Variants in DAB1 observed in about 807,000 individuals in gnomAD.
The protein encoded by DAB1 is DAB adaptor protein 1.
Under a neutral mutation model 64.6 loss-of-function variants are expected in DAB1, and 15 were observed. That is an observed-to-expected ratio of 0.23 (90% CI 0.16 to 0.36). The LOEUF (loss-of-function observed/expected upper bound fraction) is 0.36, where lower values mean the gene tolerates loss of function less well. Among genes scored for constraint, DAB1 ranks in the 10% least tolerant of loss-of-function variants. DAB1 has a pLI of 1.00. For synonymous variants in DAB1, 235 were observed against 251.9 expected (o/e 0.93, Z 0.64); for missense variants, 596 against 706.7 (o/e 0.84, Z 1.78).
At chr1:57,775,026 C>A (rs1649728724) in intron 6 of DAB1, among the ~76,000 whole-genome samples, 1 of 151,640 alleles carries the variant, frequency 6.6e-6, no homozygotes, top group South Asian at 2.1e-4. Context: ...TTTTCCTATG[C>A]ATCTAAGTTC....
chr1:57,394,237 A>G (rs981781644), intron 1 of DAB1, among the ~76,000 whole-genome samples: 1 of 152,230 alleles, frequency 6.6e-6, no homozygotes, highest in Admixed American at 6.5e-5. Context: ...CCCTTCTTCT[A>G]TCAGACCAAC....
chr1:58,545,524 G>C (rs1205358728), intron 1 of DAB1, among the ~76,000 whole-genome samples: 1 of 152,100 alleles, frequency 6.6e-6, no homozygotes, highest in Non-Finnish European at 1.5e-5. Flanking sequence ...AAAAAAATCA[G>C]GGCTGACATA....
chr1:57,501,464 A>T (rs1260713299), intron 7 of DAB1, among the ~76,000 whole-genome samples: 3 of 152,208 alleles, frequency 2.0e-5, no homozygotes. Context: ...AATAATAGAT[A>T]AGTGTTTTAA....
At chr1:57,938,414 T>C (rs974154883) in intron 5 of DAB1, among the ~76,000 whole-genome samples, 4 of 152,160 alleles carry the variant, frequency 2.6e-5, no homozygotes, top group Non-Finnish European at 5.9e-5. Context: ...TAGGGAGACC[T>C]AGTGGGAGCT....
chr1:57,237,504 T>A (rs1668181811), intron 2 of DAB1, among the ~76,000 whole-genome samples: 1 of 152,224 alleles, frequency 6.6e-6, no homozygotes, highest in African/African-American at 2.4e-5. Context: ...GTCACTCCCA[T>A]TTTCTACTGC....
intron 6 of DAB1, among the ~76,000 whole-genome samples, chr1:57,808,855 T>C (rs74360406): frequency 0.013 from 1,965 of 152,274 alleles, 41 homozygotes; most frequent in African/African-American, 0.045. Flanking sequence ...TTTCATGTCA[T>C]TTATCCTTTG....
chr1:57,055,113 G>A (rs1318057577), intron 9 of DAB1, among the ~76,000 whole-genome samples: 1 of 152,184 alleles, frequency 6.6e-6, no homozygotes, highest in African/African-American at 2.4e-5. Context: ...TTATGCTGTT[G>A]GATTTCAGAC....
At chr1:58,433,810 C>T (rs573565066) in intron 3 of DAB1, among the ~76,000 whole-genome samples, 4 of 152,248 alleles carry the variant, frequency 2.6e-5, no homozygotes, top group South Asian at 2.1e-4. Context: ...CACCTCTTAA[C>T]GGTCCAACCT....
rs1303127703 is a variant in DAB1, at chr1:57,018,051, G to A, written c.896-2620C>T. On this transcript the variant is annotated intron_variant, in intron 11 of 14. Transcript: ENST00000371236. ...GTCTGAGACCAATGCGTACGACAAAGCATTATTCCACATCCTGTTTATGAT... is the reference window on the plus strand; with the variant it reads ...GTCTGAGACCAATGCGTACGACAAAACATTATTCCACATCCTGTTTATGAT... Among the ~76,000 whole-genome samples the A allele has an allele frequency of 2.6e-5, 4 of 152,278 alleles. No individual in the cohort carries two copies. In the South Asian group the frequency reaches 6.2e-4, roughly 24 times the overall value.
At chr1:57,390,503 T>C (rs569847219) in intron 1 of DAB1, among the ~76,000 whole-genome samples, 1 of 152,224 alleles carries the variant, frequency 6.6e-6, no homozygotes, top group Non-Finnish European at 1.5e-5. Context: ...CCTTAATTCA[T>C]GGAAACCAAA....
At chr1:58,277,037 C>CTTTTTTT (rs869207396) in intron 4 of DAB1, among the ~76,000 whole-genome samples, 2 of 79,648 alleles carry the variant, frequency 2.5e-5, no homozygotes, top group Non-Finnish European at 4.7e-5. Context: ...CTTTTTTTTT[C>CTTTTTTT]TTTTTTTTTT....
At chr1:57,679,023 G>A (rs776082547) in intron 6 of DAB1, among the ~76,000 whole-genome samples, 4 of 151,676 alleles carry the variant, frequency 2.6e-5, no homozygotes, top group Admixed American at 6.6e-5. Flanking sequence ...CGCCTGCCTC[G>A]GCCTCCCAAA....
upstream of DAB1, among the ~76,000 whole-genome samples, chr1:57,424,332 A>G (rs1412784248): frequency 6.7e-6 from 1 of 150,012 alleles, no homozygotes; most frequent in Non-Finnish European, 1.5e-5. Context: ...GAGGTGGAAG[A>G]ACGAGCGAGC....
At chr1:57,431,041 C>A (rs1349072229) in intron 7 of DAB1, among the ~76,000 whole-genome samples, 1 of 150,624 alleles carries the variant, frequency 6.6e-6, no homozygotes, top group Non-Finnish European at 1.5e-5. Context: ...GGGCATTTAA[C>A]CCAAGGTAGC....
intron 4 of DAB1, among the ~76,000 whole-genome samples, chr1:58,223,756 C>G (rs1659308578): frequency 6.6e-6 from 1 of 152,112 alleles, no homozygotes; most frequent in Non-Finnish European, 1.5e-5. Flanking sequence ...CATGGGAATC[C>G]CCAGTCCTGC....
intron 1 of DAB1, chr1:57,307,510 C>CTGCCAGACCGCACT (rs1674289333): frequency 6.5e-6 from 1 of 152,994 alleles, no homozygotes; most frequent in African/African-American, 2.4e-5. Context: ...TAGACCGCAC[C>CTGCCAGACCGCACT]TCCCAGACCA....
chr1:57,050,289 C>G (rs1352117697), intron 9 of DAB1, among the ~76,000 whole-genome samples: 1 of 152,172 alleles, frequency 6.6e-6, no homozygotes, highest in Non-Finnish European at 1.5e-5. Flanking sequence ...AGCCACCTGC[C>G]ACAAGCCACC....
intron 3 of DAB1, among the ~76,000 whole-genome samples, chr1:58,390,209 A>C (rs1644465033): frequency 6.6e-6 from 1 of 152,080 alleles, no homozygotes; most frequent in Admixed American, 6.6e-5. Flanking sequence ...TGCCAGGCGG[A>C]AGACACACAC....
At chr1:57,640,303 G>A (rs1161575764) in intron 7 of DAB1, among the ~76,000 whole-genome samples, 3 of 152,192 alleles carry the variant, frequency 2.0e-5, no homozygotes, top group Non-Finnish European at 2.9e-5. Context: ...TGTTTCCAGT[G>A]AGGTGGTGCA....
Sources: allele counts gnomAD v4.1 joint callset (sites outside exome capture counted in the v4.1 genomes callset), GRCh38; gene constraint gnomAD v4.1.1; transcripts MANE v1.5; gene names NCBI Gene and HGNC (gene_info 2026-07-23, HGNC 2026-07-21).